The following PDIA3 variants were observed in gnomAD, a reference collection of about 807,000 sequenced individuals.
The protein encoded by PDIA3 is protein disulfide isomerase family A member 3.
Under a neutral mutation model 56.9 loss-of-function variants are expected in PDIA3, and 16 were observed. The observed-to-expected ratio is 0.28, with a 90% CI of 0.19 to 0.43. The LOEUF (loss-of-function observed/expected upper bound fraction) is 0.43, where lower values mean the gene tolerates loss of function less well. Among genes scored for constraint, PDIA3 ranks in the 20% least tolerant of loss-of-function variants. The pLI, the probability that PDIA3 is intolerant of heterozygous loss-of-function variation, is 1.00. For synonymous variants in PDIA3, 192 were observed against 216.5 expected (o/e 0.89, Z 0.99); for missense variants, 485 against 621.3 (o/e 0.78, Z 2.33).
chr15:43,773,058 A>C lies in PDIA3; in HGVS notation c.*1840A>C. On this transcript the variant is annotated 3_prime_UTR_variant, in exon 13 of 13. Transcript: ENST00000300289. Reference sequence around the variant, plus strand: ...GATAGTTGCATTCTATTTAGTTTATAGCTGCTTTGTTCCTTTGTGTTTCAC... The same window carrying C: ...GATAGTTGCATTCTATTTAGTTTATCGCTGCTTTGTTCCTTTGTGTTTCAC... 1 of 1,454,700 alleles carries C rather than the reference A, an allele frequency of 6.9e-7. No homozygotes were observed. Among genetic ancestry groups the C allele is most frequent in the African/African-American group, 1.4e-5 (1 of 70,300 alleles). The allele number at this position is 1,454,700 out of a possible 1,614,324, so 90.1% of individuals were successfully genotyped here.
chr15:43,760,089 C>G (rs2086804508), intron 3 of PDIA3, among the ~76,000 whole-genome samples: 1 of 150,788 alleles, frequency 6.6e-6, no homozygotes, highest in Non-Finnish European at 1.5e-5. Context: ...GAGTGAAACT[C>G]CATCTCAAAC....
chr15:43,753,527 C>T (rs988085812), intron 1 of PDIA3, among the ~76,000 whole-genome samples: 3 of 152,156 alleles, frequency 2.0e-5, no homozygotes, highest in African/African-American at 7.2e-5. Context: ...AATAATGTGG[C>T]GTACACCTTT....
rs533321214 is a variant in PDIA3, at chr15:43,769,867, A to T, written c.1266+221A>T. The stretch of plus-strand genomic sequence containing the variant: ...ATTCCATTCCTCAGGCTCAATCTAG[A>T]TAATGGTTAAAAATATCTAAGGACT... On this transcript the variant is annotated intron_variant, in intron 10 of 12. Transcript: ENST00000300289. Among the ~76,000 whole-genome samples the T allele has an allele frequency of 5.6e-4, 85 of 152,326 alleles. 2 individuals are homozygous for T. The South Asian group carries it at 0.017, about 31-fold the overall frequency.
At chr15:43,746,762 A>G (rs1274609626) in intron 1 of PDIA3, 56 bp downstream of exon 1, 21 of 1,587,070 alleles carry the variant, frequency 1.3e-5, no homozygotes, top group Non-Finnish European at 1.6e-5. Context: ...CGGGGGCGAG[A>G]GCGCGGGGAA....
chr15:43,753,231 C>T (rs1490778851), intron 1 of PDIA3, among the ~76,000 whole-genome samples: 1 of 152,178 alleles, frequency 6.6e-6, no homozygotes, highest in East Asian at 1.9e-4. Context: ...GTGCCCACCA[C>T]CACGCCTGGC....
At chr15:43,761,140 G>T (rs1230513730) in intron 3 of PDIA3, among the ~76,000 whole-genome samples, 1 of 151,650 alleles carries the variant, frequency 6.6e-6, no homozygotes, top group Non-Finnish European at 1.5e-5. Flanking sequence ...TACTCAGGAG[G>T]CTGAGGTAGG....
At chr15:43,754,013 T>A (rs2086760984) in intron 2 of PDIA3, 111 bp downstream of exon 2, 1 of 743,504 alleles carries the variant, frequency 1.3e-6, no homozygotes, top group Non-Finnish European at 2.4e-6. Context: ...GTTTGTAAGA[T>A]TAACATTCAT....
In PDIA3 at chr15:43,761,534, A is replaced by C; in HGVS notation, c.472+3A>C. The C allele has an allele frequency of 7.3e-7, 1 of 1,362,644 alleles. No individual in the cohort carries two copies. The highest frequency in any genetic ancestry group is 1.0e-6 in the Non-Finnish European group (1 of 958,974). The allele number at this position is 1,362,644 out of a possible 1,614,324, so 84.4% of individuals were successfully genotyped here. A position where few individuals can be genotyped will look rare whatever the true frequency, so the allele number is the denominator to read the frequency against. Reference sequence around the variant, plus strand: ...TGATAAAGATGCCTCTATAGTAGGTAAGTAGCAAATATTAAACCGTGCCAC... The same window carrying C: ...TGATAAAGATGCCTCTATAGTAGGTCAGTAGCAAATATTAAACCGTGCCAC... On this transcript the variant is annotated splice_donor_region_variant and intron_variant, in intron 4 of 12. Coordinates refer to ENST00000300289, the MANE Select transcript of PDIA3 (RefSeq NM_005313.5).
intron 1 of PDIA3, among the ~76,000 whole-genome samples, chr15:43,752,527 A>T (rs577589401): frequency 2.4e-4 from 36 of 152,362 alleles, no homozygotes; most frequent in African/African-American, 7.9e-4. Context: ...TGAAAAACAT[A>T]GCCAGTACAT....
intron 1 of PDIA3, chr15:43,746,955 T>C (rs2141639799): frequency 1.8e-6 from 1 of 560,652 alleles, no homozygotes; most frequent in Middle Eastern, 4.7e-4. Flanking sequence ...GGTGCTCTTG[T>C]GGCACTTCCT....
At chr15:43,769,790 A>T (rs1007361592) in intron 10 of PDIA3, 144 bp downstream of exon 10, 18 of 856,188 alleles carry the variant, frequency 2.1e-5, no homozygotes, top group Admixed American at 5.0e-5. Context: ...CTTTCTCGTG[A>T]CTGCCCCCTA....
chr15:43,750,096 T>C (rs2141642838), intron 1 of PDIA3, among the ~76,000 whole-genome samples: 1 of 150,702 alleles, frequency 6.6e-6, no homozygotes, highest in Admixed American at 6.6e-5. Context: ...TTTGAGACAG[T>C]CTCTCTCTGT....
chr15:43,756,904 A>G (rs1596020465), intron 3 of PDIA3, 138 bp downstream of exon 3: 2 of 563,502 alleles, frequency 3.5e-6, no homozygotes, highest in East Asian at 5.5e-5. Flanking sequence ...TTTGGTGGTA[A>G]CAAAAGACCT....
chr15:43,753,985 AAAT>A (rs1262729600), intron 2 of PDIA3, 83 bp downstream of exon 2: 6 of 892,240 alleles, frequency 6.7e-6, no homozygotes, highest in Middle Eastern at 2.2e-4. Context: ...ACATGGAAAA[AAAT>A]AACAGTAATA....
intron 5 of PDIA3, among the ~76,000 whole-genome samples, chr15:43,764,180 T>C (rs1008426104): frequency 1.3e-5 from 2 of 152,202 alleles, no homozygotes; most frequent in Non-Finnish European, 2.9e-5. Flanking sequence ...CAAGGTCTGA[T>C]CTTTCACAAA....
chr15:43,748,701 T>G (rs2086723272), intron 1 of PDIA3, among the ~76,000 whole-genome samples: 1 of 152,008 alleles, frequency 6.6e-6, no homozygotes, highest in African/African-American at 2.4e-5. Context: ...CAATTTGGAG[T>G]TAAAGAAGTC....
At chr15:43,761,109 G>C (rs1236266209) in intron 3 of PDIA3, among the ~76,000 whole-genome samples, 1 of 151,854 alleles carries the variant, frequency 6.6e-6, no homozygotes, top group African/African-American at 2.4e-5. Context: ...GGGCATGGTG[G>C]TGGGCACCTG....
At position 43,770,505 on chromosome 15, in the gene PDIA3, A is replaced by T. The variant is rs754464922; in HGVS notation, c.1347-18A>T. 2 of 1,597,196 alleles carry T rather than the reference A, an allele frequency of 1.3e-6. No individual in the cohort carries two copies. The highest frequency in any genetic ancestry group is 8.6e-7 in the Non-Finnish European group (1 of 1,164,550). Reference sequence around the variant, plus strand: ...GCCCACATAACTGCTTGAAATTAATAAATGTTTCTTTCCCCAGTTTTCCTA... The same window carrying T: ...GCCCACATAACTGCTTGAAATTAATTAATGTTTCTTTCCCCAGTTTTCCTA... On this transcript the variant is annotated intron_variant, in intron 11 of 12. Transcript: ENST00000300289.
intron 3 of PDIA3, among the ~76,000 whole-genome samples, chr15:43,757,255 T>C (rs578094720): frequency 6.6e-6 from 1 of 151,752 alleles, no homozygotes. Flanking sequence ...TGTCCCCATC[T>C]CCAATAAAAA....
Sources: allele counts gnomAD v4.1 joint callset (sites outside exome capture counted in the v4.1 genomes callset), GRCh38; gene constraint gnomAD v4.1.1; transcripts MANE v1.5; gene names NCBI Gene and HGNC (gene_info 2026-07-23, HGNC 2026-07-21).